Variants in ABCC9 observed in about 807,000 individuals in gnomAD.
ABCC9 encodes the protein ATP binding cassette subfamily C member 9.
Under a neutral mutation model 188.3 loss-of-function variants are expected in ABCC9, and 95 were observed. That is an observed-to-expected ratio of 0.50 (90% CI 0.43 to 0.60). The LOEUF (loss-of-function observed/expected upper bound fraction) is 0.60, where lower values mean the gene tolerates loss of function less well. Ranked by LOEUF, ABCC9 falls within the 20% of genes least tolerant of loss-of-function variation. ABCC9 has a pLI of 0.00. For missense variants in ABCC9, 1,102 were observed against 1,876.3 expected (o/e 0.59, Z 7.62); for synonymous variants, 659 against 652.7 (o/e 1.01, Z -0.15).
chr12:21,904,770 C>T (rs1318203286), intron 12 of ABCC9, among the ~76,000 whole-genome samples: 4 of 152,166 alleles, frequency 2.6e-5, no homozygotes, highest in African/African-American at 7.2e-5. Context: ...ATTAAAAAGT[C>T]AGGAAACAAC....
chr12:21,854,587 C>T (rs1195569581), intron 22 of ABCC9, among the ~76,000 whole-genome samples: 3 of 152,328 alleles, frequency 2.0e-5, no homozygotes, highest in African/African-American at 7.2e-5. Flanking sequence ...TCTTAATGCA[C>T]ATCAATTATT....
intron 22 of ABCC9, among the ~76,000 whole-genome samples, chr12:21,853,287 G>A (rs558307682): frequency 6.6e-6 from 1 of 151,970 alleles, no homozygotes; most frequent in Non-Finnish European, 1.5e-5. Flanking sequence ...CCGAGATTGC[G>A]CCACTGCACT....
At chr12:21,877,541 C>T (rs1370992741) in intron 16 of ABCC9, among the ~76,000 whole-genome samples, 1 of 152,052 alleles carries the variant, frequency 6.6e-6, no homozygotes, top group Non-Finnish European at 1.5e-5. Context: ...GCCTCAGAGG[C>T]TGAAGATTCC....
chr12:21,931,081 G>A (rs1333152704), intron 4 of ABCC9, among the ~76,000 whole-genome samples: 1 of 152,110 alleles, frequency 6.6e-6, no homozygotes, highest in Non-Finnish European at 1.5e-5. Flanking sequence ...CTATGATATG[G>A]TTTGGCTGTG....
chr12:21,940,130 A>C (rs1265200231), intron 2 of ABCC9, among the ~76,000 whole-genome samples: 1 of 152,234 alleles, frequency 6.6e-6, no homozygotes, highest in Non-Finnish European at 1.5e-5. Flanking sequence ...AAAGCAAGTG[A>C]AAACTTGTCT....
intron 16 of ABCC9, among the ~76,000 whole-genome samples, chr12:21,877,749 T>G (rs796368788): frequency 6.6e-5 from 10 of 152,302 alleles, no homozygotes; most frequent in African/African-American, 2.4e-4. Context: ...GACAGCTGCA[T>G]AGCTACTGTA....
Position 21,799,311 on chromosome 12 carries a change from C to A in ABCC9, c.*1733G>T, listed in dbSNP as rs987084620. The A allele has an allele frequency of 1.1e-4, 17 of 150,726 alleles. No homozygotes were observed. Among genetic ancestry groups the A allele is most frequent in the African/African-American group, 3.4e-4 (14 of 41,114 alleles). 9.3% of individuals were successfully genotyped at this position (150,726 alleles called of 1,614,324 possible). On this transcript the variant is annotated 3_prime_UTR_variant, in exon 40 of 40. Coordinates refer to ENST00000261200, the MANE Select transcript of ABCC9 (RefSeq NM_020297.4). ...TACTTCCATGGGTAAAAACCCATTT[C>A]TCTATGAGAATGAATTATTACTTGC...
intron 18 of ABCC9, among the ~76,000 whole-genome samples, chr12:21,872,402 C>G (rs554348725): frequency 6.6e-6 from 1 of 152,264 alleles, no homozygotes; most frequent in Non-Finnish European, 1.5e-5. Flanking sequence ...TTTGTCTCAG[C>G]AATATACTAG....
In ABCC9 at chr12:21,838,147, C is replaced by T. The variant is rs1283704776; in HGVS notation, c.3497G>A (p.Ser1166Asn). ...GTGACAGAGCAGAGGGAGCTGGGTACTATCGTCAAGTTCCTGGAGGTCCCT... is the reference window on the plus strand; with the variant it reads ...GTGACAGAGCAGAGGGAGCTGGGTATTATCGTCAAGTTCCTGGAGGTCCCT... ...ASKDLQELDD[S>N]TQLPLLCHFS... Residue 1166 changes from serine (S) to asparagine (N), a missense_variant, in exon 30 of 40, where the codon AGT becomes AAT. Coordinates refer to ENST00000261200, the MANE Select transcript of ABCC9 (RefSeq NM_020297.4). The T allele has an allele frequency of 6.2e-7, 1 of 1,614,058 alleles. No individual in the cohort carries two copies. Among genetic ancestry groups the T allele is most frequent in the South Asian group, 1.1e-5 (1 of 91,090 alleles).
intron 15 of ABCC9, among the ~76,000 whole-genome samples, chr12:21,883,883 A>T (rs1334203048): frequency 6.6e-6 from 1 of 152,184 alleles, no homozygotes; most frequent in Non-Finnish European, 1.5e-5. Context: ...CAGTCTTCAC[A>T]TATTTAAGGT....
intron 21 of ABCC9, among the ~76,000 whole-genome samples, chr12:21,860,440 G>A (rs926566927): frequency 6.6e-6 from 1 of 152,182 alleles, no homozygotes; most frequent in African/African-American, 2.4e-5. Context: ...TGTTGTGAAA[G>A]TAGATAATGC....
chr12:21,938,908 C>T (rs1472731503), intron 2 of ABCC9, among the ~76,000 whole-genome samples: 4 of 152,142 alleles, frequency 2.6e-5, no homozygotes, highest in African/African-American at 4.8e-5. Flanking sequence ...TTCAGACATA[C>T]ACCAGATATC....
intron 33 of ABCC9, 148 bp from the exon 34 acceptor site, chr12:21,816,041 T>TTTTTG: frequency 5.4e-5 from 1 of 18,382 alleles, no homozygotes; most frequent in African/African-American, 2.0e-4. Context: ...TGGCAGTTTT[T>TTTTTG]TTTTTTTTTT....
intron 31 of ABCC9, chr12:21,827,280 C>T: frequency 1.0e-6 from 1 of 985,254 alleles, no homozygotes; most frequent in Non-Finnish European, 1.2e-6. Context: ...GATTCTTGTT[C>T]AACACTTATC....
intron 2 of ABCC9, among the ~76,000 whole-genome samples, chr12:21,939,213 C>T (rs1426751849): frequency 2.0e-5 from 3 of 152,032 alleles, no homozygotes; most frequent in Non-Finnish European, 1.5e-5. Flanking sequence ...TTCACATTTC[C>T]GGCCGGCTCT....
intron 5 of ABCC9, chr12:21,925,442 A>G: frequency 1.4e-6 from 1 of 699,206 alleles, no homozygotes; most frequent in Non-Finnish European, 2.6e-6. Flanking sequence ...TTATGCTAGA[A>G]ACATACTCTG....
intron 13 of ABCC9, among the ~76,000 whole-genome samples, 195 bp from the exon 14 acceptor site, chr12:21,894,369 T>G (rs1308584464): frequency 6.6e-6 from 1 of 152,192 alleles, no homozygotes; most frequent in Admixed American, 6.5e-5. Flanking sequence ...CCTGCAATTA[T>G]AGTGGCAAAC....
At chr12:21,819,275 C>G (rs1330247431) in intron 31 of ABCC9, among the ~76,000 whole-genome samples, 1 of 152,130 alleles carries the variant, frequency 6.6e-6, no homozygotes, top group Non-Finnish European at 1.5e-5. Flanking sequence ...AAGTCTCATT[C>G]CACTGATAAA....
intron 2 of ABCC9, among the ~76,000 whole-genome samples, chr12:21,938,586 C>G (rs572022805): frequency 6.6e-6 from 1 of 152,272 alleles, no homozygotes; most frequent in South Asian, 2.1e-4. Context: ...AAAGCCCACT[C>G]TTAATTGAAA....
Sources: gnomAD v4.1 joint callset for allele counts (sites outside exome capture counted in the v4.1 genomes callset) on GRCh38, gnomAD v4.1.1 for gene constraint, MANE v1.5 for transcripts, NCBI Gene and HGNC (gene_info 2026-07-23, HGNC 2026-07-21) for gene names.